Variants in SH3RF3 observed in about 807,000 individuals in gnomAD.
The protein encoded by SH3RF3 is SH3 domain containing ring finger 3.
Under a neutral mutation model 66.3 loss-of-function variants are expected in SH3RF3, and 29 were observed. That is an observed-to-expected ratio of 0.44 (90% CI 0.33 to 0.60). The LOEUF is 0.60. SH3RF3 is among the 20% of genes least tolerant of loss of function. The probability of loss-of-function intolerance (pLI) is 0.04; values close to 1 mark genes in which losing one functional copy is unlikely to be tolerated. For missense variants in SH3RF3, 1,194 were observed against 1,190.9 expected (o/e 1.00, Z -0.04); for synonymous variants, 583 against 532.0 (o/e 1.10, Z -1.32).
intron 1 of SH3RF3, among the ~76,000 whole-genome samples, chr2:109,335,316 A>G (rs573844384): frequency 2.6e-4 from 40 of 152,040 alleles, no homozygotes; most frequent in African/African-American, 3.1e-4. Flanking sequence ...TCCTCTCCCT[A>G]TGCCTCAAGT....
At chr2:109,262,994 G>A (rs1680395465) in intron 1 of SH3RF3, among the ~76,000 whole-genome samples, 1 of 150,588 alleles carries the variant, frequency 6.6e-6, no homozygotes, top group Non-Finnish European at 1.5e-5. Flanking sequence ...CACCACACCT[G>A]GCTCGTTTTT....
Position 109,181,974 on chromosome 2 carries a change from A to G in SH3RF3, c.573+51861A>G, listed in dbSNP as rs141360670. On this transcript the variant is annotated intron_variant, in intron 1 of 9. Coordinates refer to ENST00000309415, the MANE Select transcript of SH3RF3 (RefSeq NM_001099289.3). Reference sequence around the variant, plus strand: ...TGAGCAACCAAAGGCCAGTTTGGTGATGTTTGCTCATTGCTCAGGGGAGGA... The same window carrying G: ...TGAGCAACCAAAGGCCAGTTTGGTGGTGTTTGCTCATTGCTCAGGGGAGGA... 9.2e-4 allele frequency among the ~76,000 whole-genome samples: 140 copies of G among 152,244 alleles called. 1 individual carries two copies. The highest frequency in any genetic ancestry group is 3.2e-3 in the African/African-American group (132 of 41,542).
chr2:109,433,519 A>T (rs1035207721), intron 6 of SH3RF3, among the ~76,000 whole-genome samples: 1 of 152,178 alleles, frequency 6.6e-6, no homozygotes, highest in African/African-American at 2.4e-5. Flanking sequence ...CCCTGTGTTG[A>T]CACTGCAGGA....
intron 1 of SH3RF3, among the ~76,000 whole-genome samples, chr2:109,289,333 A>G (rs11691871): frequency 0.35 from 52,306 of 151,302 alleles, 9,168 homozygotes; most frequent in South Asian, 0.42. Flanking sequence ...CCATGCTCCC[A>G]CACAAAGGTC....
intron 1 of SH3RF3, among the ~76,000 whole-genome samples, chr2:109,275,782 T>C (rs984620631): frequency 9.9e-5 from 15 of 152,220 alleles, no homozygotes; most frequent in African/African-American, 3.6e-4. Context: ...TGACAGTTTA[T>C]GAAGCGAGGC....
intron 8 of SH3RF3, among the ~76,000 whole-genome samples, chr2:109,463,370 C>T (rs1383482063): frequency 6.6e-6 from 1 of 152,208 alleles, no homozygotes; most frequent in African/African-American, 2.4e-5. Context: ...CCATGTGGGC[C>T]CTGCCCCCCT....
Position 109,369,209 on chromosome 2 carries a change from G to T in SH3RF3, c.850-2377G>T, listed in dbSNP as rs548485600. Among the ~76,000 whole-genome samples, 6 of 151,536 alleles carry T rather than the reference G, an allele frequency of 4.0e-5. No individual in the cohort carries two copies. In the South Asian group the frequency reaches 1.2e-3, roughly 32 times the overall value. The stretch of plus-strand genomic sequence containing the variant: ...AAAAAAAAAAAAAAATTAGCCGGGA[G>T]TGGTGGTGAGCACCTGTAGTCCCAG... On this transcript the variant is annotated intron_variant, in intron 2 of 9. Coordinates refer to ENST00000309415, the MANE Select transcript of SH3RF3 (RefSeq NM_001099289.3).
chr2:109,204,438 A>G (rs1678758773), intron 1 of SH3RF3, among the ~76,000 whole-genome samples: 1 of 152,234 alleles, frequency 6.6e-6, no homozygotes, highest in African/African-American at 2.4e-5. Flanking sequence ...AATCTGCTGT[A>G]GTTTTTGTTA....
intron 1 of SH3RF3, among the ~76,000 whole-genome samples, chr2:109,298,978 G>A (rs1005450557): frequency 6.6e-6 from 1 of 152,148 alleles, no homozygotes; most frequent in African/African-American, 2.4e-5. Context: ...CACGGCCCAC[G>A]CCGGCCTGCA....
At chr2:109,177,403 A>G (rs1189548928) in intron 1 of SH3RF3, among the ~76,000 whole-genome samples, 9 of 152,170 alleles carry the variant, frequency 5.9e-5, no homozygotes, top group African/African-American at 2.2e-4. Flanking sequence ...GTTGGACATG[A>G]AATAGTCTGG....
intron 1 of SH3RF3, among the ~76,000 whole-genome samples, chr2:109,148,384 C>T (rs1403444348): frequency 6.6e-6 from 1 of 152,178 alleles, no homozygotes; most frequent in East Asian, 1.9e-4. Flanking sequence ...CATGAGCCAG[C>T]CATCATAGGG....
At chr2:109,481,419 G>A (rs908272222) in intron 8 of SH3RF3, among the ~76,000 whole-genome samples, 5 of 152,114 alleles carry the variant, frequency 3.3e-5, no homozygotes, top group African/African-American at 1.2e-4. Flanking sequence ...AGAGACTGGT[G>A]TATTTCCTCC....
At chr2:109,483,370 G>A (rs978105487) in intron 8 of SH3RF3, among the ~76,000 whole-genome samples, 7 of 152,126 alleles carry the variant, frequency 4.6e-5, no homozygotes, top group African/African-American at 1.7e-4. Context: ...CCTCTGGCCA[G>A]GTTCCAGCCT....
At chr2:109,217,314 GGTT>G (rs2105131976) in intron 1 of SH3RF3, among the ~76,000 whole-genome samples, 1 of 152,298 alleles carries the variant, frequency 6.6e-6, no homozygotes, top group Non-Finnish European at 1.5e-5. Flanking sequence ...GGAGAACCTT[GGTT>G]GTTCTCTTTG....
intron 8 of SH3RF3, among the ~76,000 whole-genome samples, chr2:109,455,960 A>G (rs1308563716): frequency 6.6e-6 from 1 of 152,118 alleles, no homozygotes; most frequent in Non-Finnish European, 1.5e-5. Context: ...GAACTGATTC[A>G]CCCACGTGGG....
chr2:109,257,909 G>T (rs2105280508), intron 1 of SH3RF3, among the ~76,000 whole-genome samples: 1 of 152,118 alleles, frequency 6.6e-6, no homozygotes, highest in East Asian at 1.9e-4. Flanking sequence ...GGCCAGGGCT[G>T]TCCTGGGCTC....
At chr2:109,355,274 A>G (rs1184971735) in intron 2 of SH3RF3, among the ~76,000 whole-genome samples, 1 of 152,192 alleles carries the variant, frequency 6.6e-6, no homozygotes, top group African/African-American at 2.4e-5. Context: ...TTCATTCATA[A>G]AATTCTTGAA....
intron 1 of SH3RF3, among the ~76,000 whole-genome samples, chr2:109,151,930 A>T (rs983307682): frequency 6.6e-6 from 1 of 152,274 alleles, no homozygotes; most frequent in African/African-American, 2.4e-5. Context: ...ATATAATAAC[A>T]GCCTGGAGGG....
At chr2:109,415,793 C>T (rs1014582444) in intron 4 of SH3RF3, among the ~76,000 whole-genome samples, 1 of 152,192 alleles carries the variant, frequency 6.6e-6, no homozygotes, top group Non-Finnish European at 1.5e-5. Context: ...CCACCACCCA[C>T]CCTCACCACC....
Sources: gnomAD v4.1 joint callset for allele counts (sites outside exome capture counted in the v4.1 genomes callset) on GRCh38, gnomAD v4.1.1 for gene constraint, MANE v1.5 for transcripts, NCBI Gene and HGNC (gene_info 2026-07-23, HGNC 2026-07-21) for gene names.